E2F3: variants seen among roughly 807,000 people sequenced by gnomAD.
The protein encoded by E2F3 is transcription factor E2F3.
In E2F3, 11 loss-of-function variants were observed where a neutral mutation model predicts 44.4. That is an observed-to-expected ratio of 0.25 (90% CI 0.16 to 0.41). The LOEUF is 0.41. Ranked by LOEUF, E2F3 falls within the 10% of genes least tolerant of loss-of-function variation. E2F3 has a pLI of 1.00. For missense variants in E2F3, 487 were observed against 583.6 expected, an observed-to-expected ratio of 0.83 and a Z score of 1.70; for synonymous variants, 249 against 253.0, an observed-to-expected ratio of 0.98 and a Z score of 0.15.
At chr6:20,479,642 G>A (rs1762156759) in intron 1 of E2F3, among the ~76,000 whole-genome samples, 1 of 152,228 alleles carries the variant, frequency 6.6e-6, no homozygotes, top group East Asian at 1.9e-4. Flanking sequence ...GATGATCACG[G>A]CAGGTGAAGA....
intron 1 of E2F3, among the ~76,000 whole-genome samples, chr6:20,440,492 C>T (rs1015040571): frequency 7.9e-5 from 12 of 152,256 alleles, no homozygotes; most frequent in South Asian, 2.1e-4. Flanking sequence ...GAATGATTCA[C>T]GATTCTGTAC....
chr6:20,429,392 A>G (rs1227735362), intron 1 of E2F3, among the ~76,000 whole-genome samples: 1 of 152,206 alleles, frequency 6.6e-6, no homozygotes, highest in Non-Finnish European at 1.5e-5. Context: ...ATCATTAAAT[A>G]CCACCTGGGA....
At chr6:20,465,815 A>G (rs1761683121) in intron 1 of E2F3, among the ~76,000 whole-genome samples, 1 of 152,066 alleles carries the variant, frequency 6.6e-6, no homozygotes. Flanking sequence ...CATCATATAT[A>G]TATATACCAC....
intron 1 of E2F3, among the ~76,000 whole-genome samples, chr6:20,458,106 G>T (rs1761374596): frequency 6.6e-6 from 1 of 152,044 alleles, no homozygotes; most frequent in Admixed American, 6.5e-5. Context: ...CAGAGATAGT[G>T]GCTCATTATG....
chr6:20,432,095 G>A (rs899991369), intron 1 of E2F3, among the ~76,000 whole-genome samples: 2 of 152,238 alleles, frequency 1.3e-5, no homozygotes, highest in East Asian at 3.8e-4. Flanking sequence ...TGAGGCACTG[G>A]GGGTTATGAC....
chr6:20,490,481 A>G lies in E2F3; in HGVS notation c.*51A>G. The G allele has an allele frequency of 6.6e-7, 1 of 1,511,756 alleles. No individual in the cohort carries two copies. Among genetic ancestry groups the G allele is most frequent in the Non-Finnish European group, 8.9e-7 (1 of 1,126,694 alleles). 93.6% of individuals were successfully genotyped at this position (1,511,756 alleles called of 1,614,324 possible). Reference sequence around the variant, plus strand: ...AAAACCGATATTTTTTTATCATGGAACCAGAACATCTGTCATGCAGTGTTG... The same window carrying G: ...AAAACCGATATTTTTTTATCATGGAGCCAGAACATCTGTCATGCAGTGTTG... On this transcript the variant is annotated 3_prime_UTR_variant, in exon 7 of 7. Coordinates refer to ENST00000346618, the MANE Select transcript of E2F3 (RefSeq NM_001949.5). The surrounding 1 kb of genome is among the most constrained non-coding windows in gnomAD (Gnocchi z 4.3).
Position 20,490,379 on chromosome 6 carries a change from T to C in E2F3, c.1347T>C (p.Asp449=), listed in dbSNP as rs1404623763. The change falls in exon 7 of 7, where the codon GAT becomes GAC. Residue 449 remains aspartate (D), a synonymous_variant. Transcript: ENST00000346618. This position sits in a 1 kb window ranked among gnomAD's most constrained non-coding sequence, Gnocchi z 4.3. ...GEEEGISDLF[D]AYDLEKLPLV... is the part of the protein sequence containing the mutation. The stretch of plus-strand genomic sequence containing the variant: ...AGGAAGGCATCAGCGATCTCTTCGA[T>C]GCTTACGATTTGGAAAAGCTCCCAC... The C allele has an allele frequency of 3.7e-6, 6 of 1,607,178 alleles. No homozygotes were observed. The highest frequency in any genetic ancestry group is 1.7e-5 in the Admixed American group (1 of 58,998).
At chr6:20,404,296 C>T (rs1759418730) in intron 1 of E2F3, among the ~76,000 whole-genome samples, 1 of 152,098 alleles carries the variant, frequency 6.6e-6, no homozygotes, top group Admixed American at 6.5e-5. Flanking sequence ...GGTCAGTATG[C>T]GGCTTCTCTT....
chr6:20,453,287 C>T (rs373678427), intron 1 of E2F3, among the ~76,000 whole-genome samples: 250 of 152,262 alleles, frequency 1.6e-3, no homozygotes, highest in African/African-American at 5.6e-3. Context: ...CACACATACA[C>T]GCACAAGAAT....
At chr6:20,489,560 T>C (rs1447212404) in intron 6 of E2F3, among the ~76,000 whole-genome samples, 1 of 152,252 alleles carries the variant, frequency 6.6e-6, no homozygotes, top group East Asian at 1.9e-4. Context: ...TTTGATTTTC[T>C]TAAAACAATG....
chr6:20,405,369 C>T (rs1318222039), intron 1 of E2F3, among the ~76,000 whole-genome samples: 1 of 120,264 alleles, frequency 8.3e-6, no homozygotes, highest in East Asian at 2.4e-4. Flanking sequence ...TTTTTTGAGA[C>T]GGAGTCTCAT....
chr6:20,453,496 C>A (rs1443200268), intron 1 of E2F3, among the ~76,000 whole-genome samples: 1 of 152,058 alleles, frequency 6.6e-6, no homozygotes. Flanking sequence ...CTCACTGCAG[C>A]CTCGACCTCC....
chr6:20,466,224 T>A (rs1354447374), intron 1 of E2F3, among the ~76,000 whole-genome samples: 1 of 152,060 alleles, frequency 6.6e-6, no homozygotes, highest in Non-Finnish European at 1.5e-5. Flanking sequence ...GCGATTCTCC[T>A]ACCTCAGCCT....
Position 20,407,229 on chromosome 6 carries a change from A to T in E2F3, c.393+4604A>T, listed in dbSNP as rs1759522183. Among the ~76,000 whole-genome samples the T allele has an allele frequency of 2.0e-5, 3 of 152,286 alleles. No individual in the cohort carries two copies. In the South Asian group the frequency reaches 6.2e-4, roughly 32 times the overall value. ...TTAAGCTGGGAGACAATTTTTAGTC[A>T]CTACATACCCCAAAATGGAAGTTTT... On this transcript the variant is annotated intron_variant, in intron 1 of 6. Transcript: ENST00000346618.
chr6:20,423,702 G>T (rs749926242), intron 1 of E2F3, among the ~76,000 whole-genome samples: 1 of 151,784 alleles, frequency 6.6e-6, no homozygotes, highest in East Asian at 1.9e-4. Flanking sequence ...AACTCCTCAC[G>T]TCGTGATCTG....
intron 1 of E2F3, among the ~76,000 whole-genome samples, chr6:20,423,862 G>A (rs1364440687): frequency 2.0e-5 from 3 of 151,844 alleles, no homozygotes; most frequent in East Asian, 1.9e-4. Context: ...TCTGCCTCCC[G>A]AGTTCAACCG....
chr6:20,434,832 G>A (rs1345625444), intron 1 of E2F3, among the ~76,000 whole-genome samples: 1 of 152,214 alleles, frequency 6.6e-6, no homozygotes, highest in African/African-American at 2.4e-5. Context: ...GCAGTACTAA[G>A]CAGAATCAGG....
intron 1 of E2F3, among the ~76,000 whole-genome samples, chr6:20,476,257 G>A (rs938762777): frequency 7.2e-5 from 11 of 152,220 alleles, no homozygotes; most frequent in African/African-American, 2.4e-4. Context: ...TGTAGTCCCA[G>A]CTACTCGAGA....
chr6:20,445,677 A>G (rs1391481740), intron 1 of E2F3, among the ~76,000 whole-genome samples: 1 of 152,134 alleles, frequency 6.6e-6, no homozygotes, highest in Non-Finnish European at 1.5e-5. Flanking sequence ...TTCACTCCAT[A>G]GGTTCTTGGA....
Sources: allele counts gnomAD v4.1 joint callset (sites outside exome capture counted in the v4.1 genomes callset), GRCh38; gene constraint gnomAD v4.1.1; non-coding constraint Gnocchi (gnomAD v3.1); transcripts MANE v1.5; gene names NCBI Gene and HGNC (gene_info 2026-07-23, HGNC 2026-07-21).